The following LARGE1 variants were observed in gnomAD, a reference collection of about 807,000 sequenced individuals.
LARGE1 encodes xylosyl- and glucuronyltransferase LARGE1.
LARGE1 carries 43 observed loss-of-function variants against 87.6 expected under a neutral mutation model. That is an observed-to-expected ratio of 0.49 (90% CI 0.38 to 0.63). The LOEUF (loss-of-function observed/expected upper bound fraction) is 0.63. Ranked by LOEUF, LARGE1 falls within the 30% of genes least tolerant of loss-of-function variation. The probability of loss-of-function intolerance (pLI) is 0.00; values close to 1 mark genes in which losing one functional copy is unlikely to be tolerated. For synonymous variants in LARGE1, 434 were observed against 394.6 expected (o/e 1.10, Z -1.18); for missense variants, 802 against 1,000.2 (o/e 0.80, Z 2.67).
At chr22:33,086,654 G>A in the LARGE1 span, among the ~76,000 whole-genome samples, 75 of 150,044 alleles carry the variant, frequency 5.0e-4, no homozygotes, top group African/African-American at 1.6e-3. Context: ...CCGGGTTCAA[G>A]CTATTCTCCT....
intron 9 of LARGE1, among the ~76,000 whole-genome samples, chr22:33,363,291 T>C (rs1311216857): frequency 2.0e-5 from 3 of 149,936 alleles, no homozygotes. Context: ...CTGGGTAATT[T>C]ATAAAGAAAA....
At chr22:33,584,710 T>A (rs1370101636) in intron 5 of LARGE1, among the ~76,000 whole-genome samples, 1 of 151,364 alleles carries the variant, frequency 6.6e-6, no homozygotes, top group Non-Finnish European at 1.5e-5. Flanking sequence ...TGGCAGTCCA[T>A]CCATCTTAAT....
At chr22:33,192,124 C>G (rs1923814686) in intron 11 of LARGE1, among the ~76,000 whole-genome samples, 1 of 152,118 alleles carries the variant, frequency 6.6e-6, no homozygotes. Context: ...ATCTTAGTAT[C>G]TATTGTTTAT....
chr22:33,086,993 T>C, the LARGE1 span, among the ~76,000 whole-genome samples: 3 of 152,244 alleles, frequency 2.0e-5, no homozygotes, highest in East Asian at 1.9e-4. Context: ...AGGAGGAACT[T>C]ATCAAATTCA....
chr22:33,297,964 G>T (rs1165502193), intron 12 of LARGE1, among the ~76,000 whole-genome samples: 1 of 146,684 alleles, frequency 6.8e-6, no homozygotes, highest in Non-Finnish European at 1.5e-5. Context: ...TGGGGACAAG[G>T]GCGAGACATC....
At chr22:33,230,169 G>A (rs868242879) in intron 11 of LARGE1, among the ~76,000 whole-genome samples, 10 of 151,750 alleles carry the variant, frequency 6.6e-5, no homozygotes, top group South Asian at 2.1e-4. Context: ...GCACCACCAC[G>A]CCCAGCTAAT....
At chr22:33,902,790 AC>A (rs1055921639) in intron 1 of LARGE1, among the ~76,000 whole-genome samples, 3 of 152,170 alleles carry the variant, frequency 2.0e-5, no homozygotes, top group African/African-American at 7.2e-5. Context: ...TGAAGTTCTA[AC>A]CCCCAGAACC....
chr22:33,606,792 C>T (rs1364590880), intron 4 of LARGE1, among the ~76,000 whole-genome samples: 3 of 152,160 alleles, frequency 2.0e-5, no homozygotes, highest in Non-Finnish European at 4.4e-5. Flanking sequence ...CACCCTGCAC[C>T]TCCACATTCA....
At chr22:33,115,679 A>C in the LARGE1 span, among the ~76,000 whole-genome samples, 52 of 152,052 alleles carry the variant, frequency 3.4e-4, no homozygotes, top group Non-Finnish European at 5.0e-4. Context: ...TTAGCTGGGC[A>C]TGGTGGCACA....
intron 6 of LARGE1, among the ~76,000 whole-genome samples, chr22:33,469,444 A>C (rs1022497355): frequency 6.6e-6 from 1 of 152,304 alleles, no homozygotes; most frequent in South Asian, 2.1e-4. Context: ...CAAAATGTTT[A>C]CCTCCAATAA....
At position 33,650,570 on chromosome 22, in the gene LARGE1, T is replaced by C. The variant is rs1204624236; in HGVS notation, c.205A>G (p.Met69Val). ...QRERESLEVR[M>V]REVEEENRAL... ...CGGTTCTCCTCCTCCACCTCGCGCA[T>C]GCGCACCTCCAGGCTCTCGCGCTCC... Residue 69 changes from methionine to valine, a missense_variant, in exon 3 of 15, where the codon ATG (methionine) becomes GTG (valine). Physicochemically the swap from Met to Val is conservative, Grantham distance 21. Coordinates refer to ENST00000397394, the MANE Select transcript of LARGE1 (RefSeq NM_133642.5). The C allele has an allele frequency of 6.2e-7, 1 of 1,607,716 alleles. No homozygotes were observed. The highest frequency in any genetic ancestry group is 1.7e-5 in the Admixed American group (1 of 60,014).
At chr22:33,672,850 T>C (rs962791846) in intron 2 of LARGE1, among the ~76,000 whole-genome samples, 4 of 152,186 alleles carry the variant, frequency 2.6e-5, no homozygotes, top group African/African-American at 9.7e-5. Context: ...CTGAAGACAG[T>C]TGGTGAAGAA....
At chr22:33,665,620 C>CGGT (rs1458166540) in intron 2 of LARGE1, among the ~76,000 whole-genome samples, 11 of 152,122 alleles carry the variant, frequency 7.2e-5, no homozygotes, top group Non-Finnish European at 1.6e-4. Context: ...GGGCTGCGCG[C>CGGT]GGTGGCTCAT....
chr22:33,457,364 C>G lies in LARGE1; in HGVS notation c.788-25099G>C, dbSNP rs541024822. Among the ~76,000 whole-genome samples, 3 of 134,290 alleles carry G rather than the reference C, an allele frequency of 2.2e-5. No homozygotes were observed. The Admixed American group carries it at 2.6e-4, about 12-fold the overall frequency. The allele number at this position is 134,290 out of a possible 152,430, so 88.1% of individuals were successfully genotyped here. A position where few individuals can be genotyped will look rare whatever the true frequency, so the allele number is the denominator to read the frequency against. Reference sequence around the variant, plus strand: ...ACGGGGTTACACCATGTTGGCCAGGCTGGTCTCGAACTCCTGACCTCAAGT... The same window carrying G: ...ACGGGGTTACACCATGTTGGCCAGGGTGGTCTCGAACTCCTGACCTCAAGT... On this transcript the variant is annotated intron_variant, in intron 6 of 14. Coordinates refer to ENST00000397394, the MANE Select transcript of LARGE1 (RefSeq NM_133642.5).
chr22:33,829,961 T>C (rs1277926193), intron 1 of LARGE1, among the ~76,000 whole-genome samples: 1 of 152,070 alleles, frequency 6.6e-6, no homozygotes, highest in East Asian at 1.9e-4. Context: ...TGAGAGATTA[T>C]AGATGACTTG....
intron 1 of LARGE1, among the ~76,000 whole-genome samples, chr22:33,791,917 C>T (rs902480872): frequency 1.3e-5 from 2 of 152,208 alleles, no homozygotes; most frequent in Non-Finnish European, 2.9e-5. Flanking sequence ...ATACTGCATG[C>T]TAAGACAGGC....
the LARGE1 span, among the ~76,000 whole-genome samples, chr22:33,147,295 A>C: frequency 1.3e-5 from 2 of 152,194 alleles, no homozygotes; most frequent in Admixed American, 6.5e-5. Context: ...CTTTGAGTAG[A>C]TGTATGTTTA....
intron 11 of LARGE1, among the ~76,000 whole-genome samples, chr22:33,211,004 T>C (rs1468409856): frequency 3.9e-5 from 6 of 152,262 alleles, no homozygotes; most frequent in African/African-American, 1.2e-4. Context: ...AACCCTGCAT[T>C]GAGCAAGTCT....
At chr22:33,766,224 G>A (rs1337395168) in intron 1 of LARGE1, among the ~76,000 whole-genome samples, 1 of 152,106 alleles carries the variant, frequency 6.6e-6, no homozygotes. Context: ...CCTGGTGTGA[G>A]GGAGGCCTCC....
Sources: allele counts gnomAD v4.1 joint callset (sites outside exome capture counted in the v4.1 genomes callset), GRCh38; gene constraint gnomAD v4.1.1; transcripts MANE v1.5; gene names NCBI Gene and HGNC (gene_info 2026-07-23, HGNC 2026-07-21).